GLG1: variants seen among roughly 807,000 people sequenced by gnomAD.
GLG1 encodes the protein Golgi apparatus protein 1.
GLG1 carries 38 observed loss-of-function variants against 160.5 expected under a neutral mutation model. The observed-to-expected ratio is 0.24, with a 90% CI of 0.18 to 0.31. The LOEUF (loss-of-function observed/expected upper bound fraction) is 0.31, where lower values mean the gene tolerates loss of function less well. Ranked by LOEUF, GLG1 falls within the 10% of genes least tolerant of loss-of-function variation. GLG1 has a pLI of 1.00. For missense variants in GLG1, 1,373 were observed against 1,505.2 expected, an observed-to-expected ratio of 0.91 and a Z score of 1.45; for synonymous variants, 644 against 543.4, an observed-to-expected ratio of 1.19 and a Z score of -2.57.
At chr16:74,505,894 G>C (rs1283278344) in intron 3 of GLG1, among the ~76,000 whole-genome samples, 1 of 151,834 alleles carries the variant, frequency 6.6e-6, no homozygotes, top group Non-Finnish European at 1.5e-5. Flanking sequence ...GCTGAGTGTG[G>C]TGCCACGCAT....
chr16:74,556,294 G>C (rs1257936024), intron 1 of GLG1, among the ~76,000 whole-genome samples: 2 of 152,104 alleles, frequency 1.3e-5, no homozygotes, highest in Non-Finnish European at 2.9e-5. Flanking sequence ...GCAACAGTAA[G>C]TAGCTATTGA....
intron 8 of GLG1, 145 bp downstream of exon 8, chr16:74,490,856 C>T (rs1419962203): frequency 1.6e-6 from 1 of 622,562 alleles, no homozygotes; most frequent in African/African-American, 1.8e-5. Context: ...CCTGAAGAAG[C>T]AACGTTCAGT....
In GLG1 at chr16:74,564,227, C is replaced by A. The variant is rs4600490; in HGVS notation, c.439-32074G>T. On this transcript the variant is annotated intron_variant, in intron 1 of 25. Transcript: ENST00000422840. ...GAGCCATCATACCAGGCCTTGCTGA[C>A]ACCTCTTGTTGCACGTGGATGAATA... is the stretch of plus-strand genomic sequence containing the variant. Among the ~76,000 whole-genome samples, 638 of 152,172 alleles carry A rather than the reference C, an allele frequency of 4.2e-3. 4 individuals are homozygous for A. Among genetic ancestry groups the A allele is most frequent in the African/African-American group, 0.014 (601 of 41,502 alleles).
At chr16:74,489,651 A>C (rs1567476367) in intron 8 of GLG1, among the ~76,000 whole-genome samples, 1 of 152,194 alleles carries the variant, frequency 6.6e-6, no homozygotes. Context: ...CCTAGAAACA[A>C]CACTGTGGCA....
rs2014148529 is a variant in GLG1, at chr16:74,448,355, C to T, written c.*4812G>A. On this transcript the variant is annotated 3_prime_UTR_variant, in exon 26 of 26. Transcript: ENST00000422840. ...GGAGGAAGGAAGTGTCCCTCAAGGC[C>T]TGAGAGAGACCCACAGCACCAGATG... 1 of 152,230 alleles carries T rather than the reference C, an allele frequency of 6.6e-6. No homozygotes were observed. The highest frequency in any genetic ancestry group is 1.5e-5 in the Non-Finnish European group (1 of 68,062). 9.4% of individuals were successfully genotyped at this position (152,230 alleles called of 1,614,324 possible).
chr16:74,584,221 A>C (rs2143832369), intron 1 of GLG1, among the ~76,000 whole-genome samples: 1 of 152,332 alleles, frequency 6.6e-6, no homozygotes, highest in South Asian at 2.1e-4. Flanking sequence ...ATAGACAGCC[A>C]GCTTTGACAA....
chr16:74,518,894 A>G (rs1240010541), intron 2 of GLG1, among the ~76,000 whole-genome samples: 1 of 152,230 alleles, frequency 6.6e-6, no homozygotes, highest in East Asian at 1.9e-4. Flanking sequence ...GTGGGAGTGT[A>G]AATTAGTTCA....
intron 1 of GLG1, among the ~76,000 whole-genome samples, chr16:74,588,863 A>T (rs533886157): frequency 7.2e-5 from 11 of 152,214 alleles, no homozygotes; most frequent in Non-Finnish European, 1.2e-4. Context: ...CCATAAACTG[A>T]AAGCTAAATA....
intron 1 of GLG1, among the ~76,000 whole-genome samples, chr16:74,568,972 C>T (rs1194872943): frequency 6.6e-6 from 1 of 152,220 alleles, no homozygotes; most frequent in Non-Finnish European, 1.5e-5. Flanking sequence ...TACCCAAGAA[C>T]ACAGGAGAGC....
Position 74,480,317 on chromosome 16 carries a change from C to G in GLG1, c.1751G>C (p.Ser584Thr). The change falls in exon 11 of 26, where the codon AGT (serine) becomes ACT (threonine). Residue 584 changes from serine (S) to threonine (T), a missense_variant. This residue lies in a region of GLG1 where 386 missense variants were observed against 388.5 expected (regional missense o/e 0.99). Coordinates refer to ENST00000422840, the MANE Select transcript of GLG1 (RefSeq NM_001145667.2). ...CACAGCTCCCTGAGGCATAAATTCA[C>G]TGGTCTCATTCCAACCGTGGGTGTG... ...LCHTHGWNET[S>T]EFMPQGAVFS... 3 of 1,613,310 alleles carry G rather than the reference C, an allele frequency of 1.9e-6. No individual in the cohort carries two copies. Among genetic ancestry groups the G allele is most frequent in the Non-Finnish European group, 2.5e-6 (3 of 1,179,180 alleles).
intron 19 of GLG1, among the ~76,000 whole-genome samples, chr16:74,464,362 T>G (rs1226172192): frequency 6.6e-6 from 1 of 152,216 alleles, no homozygotes; most frequent in Non-Finnish European, 1.5e-5. Context: ...TGGTTCATCT[T>G]AATTACAGGG....
chr16:74,458,088 G>A (rs2014634055), intron 23 of GLG1, 94 bp from the exon 24 acceptor site: 1 of 1,230,228 alleles, frequency 8.1e-7, no homozygotes, highest in Non-Finnish European at 1.2e-6. Flanking sequence ...TAAAAAAGGG[G>A]GGAAGTTGAG....
At chr16:74,554,644 G>A (rs1432934731) in intron 1 of GLG1, among the ~76,000 whole-genome samples, 4 of 152,210 alleles carry the variant, frequency 2.6e-5, no homozygotes, top group Non-Finnish European at 5.9e-5. Flanking sequence ...AAATCACGAT[G>A]AAAATGAACA....
intron 10 of GLG1, among the ~76,000 whole-genome samples, chr16:74,480,626 G>A (rs2015564942): frequency 6.6e-6 from 1 of 150,886 alleles, no homozygotes; most frequent in African/African-American, 2.4e-5. Flanking sequence ...GTGCTATCTT[G>A]ACTCACTGGA....
rs573051133 is a variant in GLG1 at position 74,491,116 on chromosome 16, C to T, written c.1334G>A (p.Arg445Gln). 12 of 1,613,958 alleles carry T rather than the reference C, an allele frequency of 7.4e-6. No individual in the cohort carries two copies. Among genetic ancestry groups the T allele is most frequent in the South Asian group, 5.5e-5 (5 of 91,068 alleles). ...SLSPEIILSC[R>Q]GEIEHHCSGL... ...GGAACAATGGTGTTCAATCTCCCCCCGACAGCTTAGGATGATCTCAGGGCT... is the reference window on the plus strand; with the variant it reads ...GGAACAATGGTGTTCAATCTCCCCCTGACAGCTTAGGATGATCTCAGGGCT... The change falls in exon 8 of 26, where the codon CGG (arginine) becomes CAG (glutamine). Residue 445 changes from arginine to glutamine, a missense_variant. By Grantham distance (43) the Arg-to-Gln change is conservative. Around this residue, in one of 4 missense-constraint regions of GLG1, gnomAD observed 386 missense variants for 388.5 expected, o/e 0.99. Coordinates refer to ENST00000422840, the MANE Select transcript of GLG1 (RefSeq NM_001145667.2).
intron 9 of GLG1, among the ~76,000 whole-genome samples, 191 bp downstream of exon 9, chr16:74,485,605 A>G (rs759425742): frequency 2.0e-5 from 3 of 152,214 alleles, no homozygotes; most frequent in Non-Finnish European, 4.4e-5. Context: ...AGGTGTCTCT[A>G]TATCATGGAT....
At chr16:74,462,264 GAA>G in intron 21 of GLG1, 69 bp from the exon 22 acceptor site, 2 of 702,456 alleles carry the variant, frequency 2.8e-6, no homozygotes, top group Non-Finnish European at 2.3e-6. Flanking sequence ...AGCAGGACAT[GAA>G]AAAAAAAACA....
At chr16:74,544,572 T>C (rs2017992612) in intron 1 of GLG1, among the ~76,000 whole-genome samples, 1 of 152,210 alleles carries the variant, frequency 6.6e-6, no homozygotes, top group South Asian at 2.1e-4. Context: ...AATAGCGTGA[T>C]CACGGCTCAC....
At chr16:74,495,114 T>A (rs1479349990) in intron 5 of GLG1, among the ~76,000 whole-genome samples, 1 of 149,750 alleles carries the variant, frequency 6.7e-6, no homozygotes, top group Admixed American at 6.7e-5. Flanking sequence ...GTCTTTTTTT[T>A]TTTTTTTTTT....
Sources: allele counts gnomAD v4.1 joint callset (sites outside exome capture counted in the v4.1 genomes callset), GRCh38; gene constraint gnomAD v4.1.1; regional missense constraint gnomAD v4.1.1; transcripts MANE v1.5; gene names NCBI Gene and HGNC (gene_info 2026-07-23, HGNC 2026-07-21).